The following DDX47 variants were observed in gnomAD, a reference collection of about 807,000 sequenced individuals.
The protein encoded by DDX47 is DEAD-box helicase 47.
Under a neutral mutation model 58.8 loss-of-function variants are expected in DDX47, and 60 were observed. The observed-to-expected ratio is 1.02, with a 90% CI of 0.83 to 1.26. The LOEUF is 1.26. DDX47 is among the 50% of genes most tolerant of loss of function. DDX47 has a pLI of 0.00. For missense variants in DDX47, 530 were observed against 573.2 expected (o/e 0.92, Z 0.77); for synonymous variants, 197 against 204.6 (o/e 0.96, Z 0.32).
Position 12,826,050 on chromosome 12 carries a change from G to A in DDX47, c.1086G>A (p.Lys362=), listed in dbSNP as rs1375504041. 1 of 1,613,616 alleles carries A rather than the reference G, an allele frequency of 6.2e-7. No homozygotes were observed. The highest frequency in any genetic ancestry group is 8.5e-7 in the Non-Finnish European group (1 of 1,179,858). Residue 362 remains lysine, a synonymous_variant, in exon 10 of 12, where the codon AAG becomes AAA. Transcript: ENST00000358007. ...CAGCTAGAGCTGGGCGCTCCGGAAA[G>A]GCTATTACTTTTGTCACACAGTAAG... ...GRTARAGRSG[K]AITFVTQYDV...
intron 9 of DDX47, among the ~76,000 whole-genome samples, chr12:12,825,442 CAG>C (rs1412878796): frequency 5.3e-5 from 8 of 152,174 alleles, no homozygotes; most frequent in African/African-American, 1.9e-4. Context: ...CTGTGATAAT[CAG>C]AAATATTTCC....
At chr12:12,814,327 T>A in intron 2 of DDX47, 103 bp downstream of exon 2, 1 of 778,904 alleles carries the variant, frequency 1.3e-6, no homozygotes, top group Non-Finnish European at 2.3e-6. Flanking sequence ...AAGGATATGG[T>A]CACTAAAGGT....
At chr12:12,818,228 A>T (rs1325247192) in intron 2 of DDX47, among the ~76,000 whole-genome samples, 2 of 152,222 alleles carry the variant, frequency 1.3e-5, no homozygotes, top group Non-Finnish European at 2.9e-5. Flanking sequence ...TCTTTAAAAA[A>T]ATCAGTCCAT....
At chr12:12,824,310 TC>T in intron 8 of DDX47, 1 of 560,690 alleles carries the variant, frequency 1.8e-6, no homozygotes, top group Non-Finnish European at 3.0e-6. Flanking sequence ...ATAAATTATT[TC>T]CCAGTTACCT....
intron 11 of DDX47, among the ~76,000 whole-genome samples, 160 bp from the exon 12 acceptor site, chr12:12,829,263 G>T (rs1356539903): frequency 6.6e-6 from 1 of 152,158 alleles, no homozygotes; most frequent in East Asian, 1.9e-4. Context: ...TACTAATAAG[G>T]TTAACATCTT....
chr12:12,823,348 C>G, intron 7 of DDX47, 29 bp downstream of exon 7: 1 of 1,279,378 alleles, frequency 7.8e-7, no homozygotes, highest in Non-Finnish European at 1.1e-6. Flanking sequence ...TCATTCCTGC[C>G]TCTCCCTCTT....
In DDX47 at chr12:12,824,817, C is replaced by A. The variant is rs1004113194; in HGVS notation, c.1035+140C>A. 9 of 813,382 alleles carry A rather than the reference C, an allele frequency of 1.1e-5. No homozygotes were observed. In the East Asian group the frequency reaches 2.1e-4, roughly 19 times the overall value. 50.4% of individuals were successfully genotyped at this position (813,382 alleles called of 1,614,324 possible). ...AAAACAAGAAAGCCCTTGGTTAGTT[C>A]ATTCACATCATCTTGCACAGGCCTG... On this transcript the variant is annotated intron_variant, in intron 9 of 11. Coordinates refer to ENST00000358007, the MANE Select transcript of DDX47 (RefSeq NM_016355.4).
In DDX47 at chr12:12,816,011, CATT is replaced by C. The variant is rs533797250; in HGVS notation, c.181+1790_181+1792del. On this transcript the variant is annotated intron_variant, in intron 2 of 11. Coordinates refer to ENST00000358007, the MANE Select transcript of DDX47 (RefSeq NM_016355.4). ...AAAAAGAAAATGTTGGAAAAAGAAT[CATT>C]ATGATTTTACAACCAGTTAAGCAAG... Among the ~76,000 whole-genome samples the C allele has an allele frequency of 2.0e-3, 309 of 151,982 alleles. 1 individual carries two copies. Among genetic ancestry groups the C allele is most frequent in the African/African-American group, 7.0e-3 (292 of 41,436 alleles).
intron 1 of DDX47, 125 bp downstream of exon 1, chr12:12,813,579 C>A: frequency 1.1e-6 from 1 of 900,854 alleles, no homozygotes; most frequent in Non-Finnish European, 1.7e-6. Flanking sequence ...GGGTTTTCCC[C>A]AGAATTTCAG....
In DDX47 at chr12:12,821,256, CCTTTG is replaced by C. The variant is rs756481183; in HGVS notation, c.237_241del (p.Leu80HisfsTer32). On this transcript the variant is annotated frameshift_variant, in exon 3 of 12. Coordinates refer to ENST00000358007, the MANE Select transcript of DDX47 (RefSeq NM_016355.4). LOFTEE classifies it high-confidence loss of function. ...GAAACTGGCTCTGGAAAGACAGGCG[CCTTTG>C]CTTTGCCCATTCTAAACGCACTGCT... The C allele has an allele frequency of 6.2e-6, 10 of 1,614,190 alleles. No homozygotes were observed. The highest frequency in any genetic ancestry group is 1.3e-5 in the African/African-American group (1 of 75,034).
At chr12:12,814,353 T>C in intron 2 of DDX47, 129 bp downstream of exon 2, 1 of 669,956 alleles carries the variant, frequency 1.5e-6, no homozygotes, top group East Asian at 2.6e-5. Context: ...GTTTGGGTAA[T>C]GGTATTTGAA....
chr12:12,829,339 G>A, intron 11 of DDX47, 84 bp from the exon 12 acceptor site: 4 of 1,441,768 alleles, frequency 2.8e-6, no homozygotes, highest in Non-Finnish European at 3.7e-6. Flanking sequence ...CTTGATACTT[G>A]ATCTTAAGGA....
chr12:12,815,773 T>C (rs1352965023), intron 2 of DDX47, among the ~76,000 whole-genome samples: 1 of 152,176 alleles, frequency 6.6e-6, no homozygotes, highest in African/African-American at 2.4e-5. Context: ...GGCCGGATTA[T>C]GAAGGATTTG....
chr12:12,821,693 T>C lies in DDX47; in HGVS notation c.409T>C (p.Leu137=), dbSNP rs1420918697. The C allele has an allele frequency of 4.3e-6, 7 of 1,614,020 alleles. No individual in the cohort carries two copies. The highest frequency in any genetic ancestry group is 5.9e-6 in the Non-Finnish European group (7 of 1,179,920). Residue 137 remains leucine, a synonymous_variant, in exon 4 of 12, where the codon TTG becomes CTG. Coordinates refer to ENST00000358007, the MANE Select transcript of DDX47 (RefSeq NM_016355.4). ...TGGAATTGATTCAATGTCTCAATCT[T>C]TGGCCCTTGCAAAAAAACCACATAT... ...VGGIDSMSQS[L]ALAKKPHIII...
chr12:12,824,111 G>A (rs1307695427), intron 8 of DDX47, 95 bp downstream of exon 8: 30 of 1,384,492 alleles, frequency 2.2e-5, no homozygotes, highest in Middle Eastern at 1.9e-4. Context: ...ATAGGGCACC[G>A]ATGCCTGTTT....
chr12:12,817,516 C>T (rs1308855198), intron 2 of DDX47, among the ~76,000 whole-genome samples: 1 of 152,154 alleles, frequency 6.6e-6, no homozygotes, highest in Non-Finnish European at 1.5e-5. Flanking sequence ...AGTTTGAGAC[C>T]TGCCTGGGTA....
Position 12,827,869 on chromosome 12 carries a change from C to CTTTT in DDX47, c.1236+497_1236+500dup, listed in dbSNP as rs1354059622. Among the ~76,000 whole-genome samples the CTTTT allele has an allele frequency of 4.8e-3, 521 of 109,554 alleles. 36 individuals are homozygous for CTTTT. The highest frequency in any genetic ancestry group is 6.2e-3 in the Non-Finnish European group (337 of 54,274). The allele number at this position is 109,554 out of a possible 152,430, so 71.9% of individuals were successfully genotyped here. A position where few individuals can be genotyped will look rare whatever the true frequency, so the allele number is the denominator to read the frequency against. On this transcript the variant is annotated intron_variant, in intron 11 of 11. Coordinates refer to ENST00000358007, the MANE Select transcript of DDX47 (RefSeq NM_016355.4). ...TCCAAAACCAAGATCCAAAACTTTT[C>CTTTT]TTTTTTCTTTTTTTTTTTTTTTTTG...
Position 12,827,249 on chromosome 12 carries a change from T to A in DDX47, c.1110T>A (p.Tyr370Ter). Residue 370 changes from tyrosine (Y) to a stop codon, truncating the protein, a stop_gained, in exon 11 of 12, where the codon TAT (tyrosine) becomes TAA (stop). Coordinates refer to ENST00000358007, the MANE Select transcript of DDX47 (RefSeq NM_016355.4). LOFTEE classifies it high-confidence loss of function. ...SGKAITFVTQ[Y>*]DVELFQRIEH... Reference sequence around the variant, plus strand: ...CTGTGCAGTTTTCCTTCCTCAGGTATGATGTGGAACTCTTCCAGCGCATAG... The same window carrying A: ...CTGTGCAGTTTTCCTTCCTCAGGTAAGATGTGGAACTCTTCCAGCGCATAG... The A allele has an allele frequency of 6.2e-7, 1 of 1,613,650 alleles. No homozygotes were observed. The highest frequency in any genetic ancestry group is 8.5e-7 in the Non-Finnish European group (1 of 1,179,888).
At chr12:12,824,872 G>T in intron 9 of DDX47, 195 bp downstream of exon 9, 1 of 496,778 alleles carries the variant, frequency 2.0e-6, no homozygotes, top group Admixed American at 3.8e-5. Context: ...TATGAAAGAG[G>T]TAGCCAAGGA....
Sources: gnomAD v4.1 joint callset for allele counts (sites outside exome capture counted in the v4.1 genomes callset) on GRCh38, gnomAD v4.1.1 for gene constraint, MANE v1.5 for transcripts, NCBI Gene and HGNC (gene_info 2026-07-23, HGNC 2026-07-21) for gene names.